The following MICAL3 variants were observed in gnomAD, a reference collection of about 807,000 sequenced individuals.
The protein encoded by MICAL3 is [F-actin]-monooxygenase MICAL3.
A neutral mutation model predicts 207.4 loss-of-function variants in MICAL3; 62 were observed. That is an observed-to-expected ratio of 0.30 (90% CI 0.24 to 0.37). The LOEUF is 0.37. Ranked by LOEUF, MICAL3 falls within the 10% of genes least tolerant of loss-of-function variation. MICAL3 has a pLI of 1.00. For missense variants in MICAL3, 2,368 were observed against 2,635.6 expected (o/e 0.90, Z 2.22); for synonymous variants, 1,077 against 1,069.3 (o/e 1.01, Z -0.14).
intron 7 of MICAL3, among the ~76,000 whole-genome samples, chr22:17,898,318 A>G (rs1569123399): frequency 6.6e-6 from 1 of 152,248 alleles, no homozygotes; most frequent in South Asian, 2.1e-4. Context: ...AGGCAATTTT[A>G]GAAAGCATCT....
chr22:17,935,599 A>G (rs1030385920), intron 1 of MICAL3, among the ~76,000 whole-genome samples: 4 of 152,234 alleles, frequency 2.6e-5, no homozygotes, highest in Admixed American at 2.0e-4. Context: ...TAAACTAAAG[A>G]GCTTCTGCAC....
chr22:18,015,507 G>A (rs951555809), intron 1 of MICAL3, among the ~76,000 whole-genome samples: 13 of 145,640 alleles, frequency 8.9e-5, no homozygotes, highest in Non-Finnish European at 1.8e-4. Context: ...CTGCCTTGTG[G>A]GTTCAAGTGA....
At chr22:17,826,642 G>T (rs991556532) in intron 22 of MICAL3, 2 of 287,912 alleles carry the variant, frequency 6.9e-6, no homozygotes, top group Non-Finnish European at 1.0e-5. Flanking sequence ...ACAGACGCCT[G>T]TCTGGCACCA....
At chr22:17,814,941 G>A (rs2062087998) in intron 27 of MICAL3, 1 of 151,776 alleles carries the variant, frequency 6.6e-6, no homozygotes, top group Non-Finnish European at 1.5e-5. Context: ...TGTCCCCTAG[G>A]TCATCCATCC....
chr22:18,022,599 T>C (rs1924555331), intron 1 of MICAL3, among the ~76,000 whole-genome samples: 1 of 152,114 alleles, frequency 6.6e-6, no homozygotes, highest in Non-Finnish European at 1.5e-5. Flanking sequence ...TGGTTAATTT[T>C]TGTATTTTTA....
chr22:17,862,181 G>C, intron 19 of MICAL3: 1 of 985,270 alleles, frequency 1.0e-6, no homozygotes, highest in Non-Finnish European at 1.2e-6. Context: ...AGTAGAGGCG[G>C]TTACCATGGG....
At chr22:18,001,766 C>A (rs565086320) in intron 1 of MICAL3, among the ~76,000 whole-genome samples, 2 of 152,380 alleles carry the variant, frequency 1.3e-5, no homozygotes, top group South Asian at 4.1e-4. Flanking sequence ...GTACATTCCT[C>A]AAAGCCCAAC....
chr22:18,019,845 GC>G, intron 1 of MICAL3: 1 of 98,662 alleles, frequency 1.0e-5, no homozygotes, highest in African/African-American at 4.3e-5. Context: ...ATGGAGTCTT[GC>G]TGTCGCCCAG....
At chr22:17,817,185 G>T in intron 26 of MICAL3, 126 bp downstream of exon 26, 1 of 1,213,626 alleles carries the variant, frequency 8.2e-7, no homozygotes, top group Non-Finnish European at 1.1e-6. Flanking sequence ...CCTTCTCCAG[G>T]TCAGCACGGC....
chr22:17,906,324 G>C (rs1201466499), intron 2 of MICAL3, among the ~76,000 whole-genome samples: 1 of 152,220 alleles, frequency 6.6e-6, no homozygotes, highest in Non-Finnish European at 1.5e-5. Flanking sequence ...TCTTATGCTA[G>C]GTTGTGGCTA....
At chr22:17,853,560 C>T (rs1925564453) in intron 19 of MICAL3, among the ~76,000 whole-genome samples, 1 of 152,212 alleles carries the variant, frequency 6.6e-6, no homozygotes, top group Non-Finnish European at 1.5e-5. Context: ...AAACAAGTTT[C>T]ATACATCTTA....
intron 16 of MICAL3, among the ~76,000 whole-genome samples, chr22:17,874,781 G>A (rs1041662694): frequency 1.2e-4 from 19 of 152,094 alleles, no homozygotes; most frequent in East Asian, 3.8e-4. Context: ...CAGTAGGAGC[G>A]GCAAAGAGAC....
intron 16 of MICAL3, among the ~76,000 whole-genome samples, chr22:17,882,817 C>T (rs917472715): frequency 6.6e-6 from 1 of 152,266 alleles, no homozygotes; most frequent in Non-Finnish European, 1.5e-5. Flanking sequence ...GCCCATCCCA[C>T]AGAACCTGCG....
intron 1 of MICAL3, among the ~76,000 whole-genome samples, chr22:17,925,837 G>T (rs554062499): frequency 2.0e-5 from 3 of 152,168 alleles, no homozygotes; most frequent in African/African-American, 7.2e-5. Flanking sequence ...CATCAAACAC[G>T]TTTCAGTTAA....
chr22:17,834,334 AT>A, intron 20 of MICAL3: 1 of 1,205,382 alleles, frequency 8.3e-7, no homozygotes, highest in Non-Finnish European at 1.1e-6. Context: ...TCACTTGTTC[AT>A]TTACCTGGAT....
intron 20 of MICAL3, among the ~76,000 whole-genome samples, chr22:17,832,658 T>C (rs1922930765): frequency 6.6e-6 from 1 of 152,170 alleles, no homozygotes; most frequent in African/African-American, 2.4e-5. Flanking sequence ...TCTTCTCTCA[T>C]CCTGGCCCAC....
At position 17,942,279 on chromosome 22, in the gene MICAL3, TAG is replaced by T. The variant is rs148159654; in HGVS notation, c.-74-35395_-74-35394del. Among the ~76,000 whole-genome samples, 1,253 of 152,270 alleles carry T rather than the reference TAG, an allele frequency of 8.2e-3. 16 individuals are homozygous for T. The highest frequency in any genetic ancestry group is 0.028 in the African/African-American group (1,176 of 41,562). ...GTGACCGTGGCTGTCCAGCCAGCTG[TAG>T]AGTTTCCTCTCACCCAACAAATCAA... On this transcript the variant is annotated intron_variant, in intron 1 of 31. Coordinates refer to ENST00000441493, the MANE Select transcript of MICAL3 (RefSeq NM_015241.3).
Position 17,886,005 on chromosome 22 carries a change from C to T in MICAL3, c.2114G>A (p.Ser705Asn), listed in dbSNP as rs1929836259. Residue 705 changes from serine to asparagine, a missense_variant, in exon 16 of 32, where the codon AGC (serine) becomes AAC (asparagine). Physicochemically the swap from Ser to Asn is conservative, Grantham distance 46 (BLOSUM62 1). Transcript: ENST00000441493. The stretch of plus-strand genomic sequence containing the variant: ...GTCCATCCTCCTGTCTGTCAGAGTG[C>T]TCACCAGGGTCGGTCTTTCTCCTCT... ...GHRGERPTLV[S>N]TLTDRRMDVA... 1.2e-6 allele frequency: 2 copies of T among 1,613,938 alleles called. No individual in the cohort carries two copies. Among genetic ancestry groups the T allele is most frequent in the Admixed American group, 1.7e-5 (1 of 60,010 alleles).
At chr22:17,861,241 C>CA in intron 19 of MICAL3, 1 of 985,442 alleles carries the variant, frequency 1.0e-6, no homozygotes, top group East Asian at 1.1e-4. Context: ...GAAAGGCCTG[C>CA]ATTTCCTAAA....
Sources: allele counts gnomAD v4.1 joint callset (sites outside exome capture counted in the v4.1 genomes callset), GRCh38; gene constraint gnomAD v4.1.1; transcripts MANE v1.5; gene names NCBI Gene and HGNC (gene_info 2026-07-23, HGNC 2026-07-21).